Variants in PCDH15 observed in about 807,000 individuals in gnomAD.
The protein encoded by PCDH15 is protocadherin-15.
In PCDH15, 129 loss-of-function variants were observed where a neutral mutation model predicts 178.5. That is an observed-to-expected ratio of 0.72 (90% CI 0.63 to 0.84). The LOEUF (loss-of-function observed/expected upper bound fraction) is 0.84. Ranked by LOEUF, PCDH15 falls within the 40% of genes least tolerant of loss-of-function variation. The probability of loss-of-function intolerance (pLI) is 0.00; values close to 1 mark genes in which losing one functional copy is unlikely to be tolerated. For missense variants in PCDH15, 2,230 were observed against 2,099.9 expected, an observed-to-expected ratio of 1.06 and a Z score of -1.21; for synonymous variants, 800 against 732.0, an observed-to-expected ratio of 1.09 and a Z score of -1.50.
chr10:54,323,694 A>G (rs1467938566), intron 7 of PCDH15, among the ~76,000 whole-genome samples: 1 of 152,124 alleles, frequency 6.6e-6, no homozygotes, highest in Non-Finnish European at 1.5e-5. Flanking sequence ...ACCTGGGAAC[A>G]GTAGACTGTG....
At chr10:54,367,460 A>C (rs1946972828) in intron 5 of PCDH15, among the ~76,000 whole-genome samples, 1 of 152,130 alleles carries the variant, frequency 6.6e-6, no homozygotes, top group Non-Finnish European at 1.5e-5. Context: ...GAACATTATA[A>C]ATTTCTGAAA....
intron 3 of PCDH15, among the ~76,000 whole-genome samples, chr10:54,830,233 G>A (rs2133750339): frequency 6.6e-6 from 1 of 152,092 alleles, no homozygotes; most frequent in South Asian, 2.1e-4. Flanking sequence ...CCCATTACTG[G>A]GTATATACCT....
At chr10:55,244,569 T>A (rs910058944) in intron 1 of PCDH15, among the ~76,000 whole-genome samples, 5 of 151,408 alleles carry the variant, frequency 3.3e-5, no homozygotes, top group African/African-American at 1.2e-4. Flanking sequence ...ACAACTGAAC[T>A]TATACACACA....
intron 2 of PCDH15, among the ~76,000 whole-genome samples, chr10:55,058,869 A>G (rs937231704): frequency 6.6e-6 from 1 of 152,172 alleles, no homozygotes; most frequent in African/African-American, 2.4e-5. Context: ...ACTTAACACT[A>G]GTTAGATACA....
At chr10:53,982,789 G>T (rs1429064110) in intron 21 of PCDH15, among the ~76,000 whole-genome samples, 4 of 151,636 alleles carry the variant, frequency 2.6e-5, no homozygotes, top group African/African-American at 2.4e-5. Context: ...CCTGCACATT[G>T]TGCACATGTA....
intron 2 of PCDH15, among the ~76,000 whole-genome samples, chr10:55,492,012 A>C (rs1328990842): frequency 5.3e-5 from 8 of 151,752 alleles, no homozygotes. Context: ...TGGTCCGTGA[A>C]GTTTTAACCC....
chr10:54,570,217 T>C (rs1253768725), intron 2 of PCDH15, among the ~76,000 whole-genome samples: 1 of 152,106 alleles, frequency 6.6e-6, no homozygotes, highest in East Asian at 1.9e-4. Flanking sequence ...AAGGAAAGTG[T>C]CTGGCTATAT....
intron 1 of PCDH15, among the ~76,000 whole-genome samples, chr10:55,261,748 G>T (rs1041881805): frequency 2.6e-5 from 4 of 151,960 alleles, no homozygotes; most frequent in African/African-American, 9.7e-5. Flanking sequence ...ATCTGAGATG[G>T]GTAATAAGTT....
In PCDH15 at chr10:54,728,878, A is replaced by G. The variant is rs936639454; in HGVS notation, c.-28-64588T>C. On this transcript the variant is annotated intron_variant, in intron 1 of 37. Transcript: ENST00000644397. ...AAAACAGCTAACTAGGGAGGTGAAA[A>G]TATTTACAATTAGAATTATAAAACA... is the stretch of plus-strand genomic sequence containing the variant. Among the ~76,000 whole-genome samples, 12 of 151,500 alleles carry G rather than the reference A, an allele frequency of 7.9e-5. 1 individual carries two copies. The highest frequency in any genetic ancestry group is 5.3e-4 in the Admixed American group (8 of 15,110).
chr10:55,425,513 A>G (rs12253322), intron 2 of PCDH15, among the ~76,000 whole-genome samples: 41,227 of 151,878 alleles, frequency 0.27, 6,770 homozygotes, highest in African/African-American at 0.47. Flanking sequence ...TTGTATTCAT[A>G]CCTTAGAGAA....
At chr10:55,144,435 C>T (rs181482083) in intron 2 of PCDH15, among the ~76,000 whole-genome samples, 1 of 152,184 alleles carries the variant, frequency 6.6e-6, no homozygotes, top group East Asian at 1.9e-4. Flanking sequence ...TGTTAGGAAG[C>T]CTAATTAGGG....
intron 3 of PCDH15, among the ~76,000 whole-genome samples, chr10:54,465,497 T>C (rs1322049753): frequency 6.6e-6 from 1 of 152,052 alleles, no homozygotes. Flanking sequence ...ATGTGATAAT[T>C]GTTTCTGTGC....
chr10:54,765,287 G>A (rs563724736), intron 1 of PCDH15, among the ~76,000 whole-genome samples: 3 of 152,064 alleles, frequency 2.0e-5, no homozygotes, highest in Non-Finnish European at 2.9e-5. Context: ...AAAATAGAAT[G>A]TATCAAAATC....
At chr10:55,514,253 T>C (rs1402625002) in intron 2 of PCDH15, among the ~76,000 whole-genome samples, 1 of 152,172 alleles carries the variant, frequency 6.6e-6, no homozygotes, top group African/African-American at 2.4e-5. Flanking sequence ...AATTACAAGA[T>C]TGAAGCGTGC....
At chr10:54,653,468 G>T (rs2090386774) in intron 2 of PCDH15, among the ~76,000 whole-genome samples, 1 of 152,174 alleles carries the variant, frequency 6.6e-6, no homozygotes, top group African/African-American at 2.4e-5. Flanking sequence ...ACATTCTACT[G>T]CTTCTCAAAG....
chr10:55,395,181 G>GTC (rs1257968782), intron 2 of PCDH15, among the ~76,000 whole-genome samples: 1 of 84,916 alleles, frequency 1.2e-5, no homozygotes, highest in Admixed American at 1.2e-4. Flanking sequence ...GTGTGTGTGT[G>GTC]TGTGTGTGTG....
At chr10:55,434,682 T>C (rs1309698771) in intron 2 of PCDH15, among the ~76,000 whole-genome samples, 1 of 152,004 alleles carries the variant, frequency 6.6e-6, no homozygotes, top group African/African-American at 2.4e-5. Context: ...CTTGGCTCAC[T>C]GCAACCTCTG....
intron 1 of PCDH15, among the ~76,000 whole-genome samples, chr10:55,192,383 C>T (rs1839966813): frequency 6.6e-6 from 1 of 151,792 alleles, no homozygotes; most frequent in Non-Finnish European, 1.5e-5. Context: ...ACAAAATATG[C>T]CCTATACTCC....
intron 32 of PCDH15, among the ~76,000 whole-genome samples, chr10:53,824,877 C>CTAAT (rs1051785610): frequency 6.6e-6 from 1 of 151,788 alleles, no homozygotes; most frequent in African/African-American, 2.4e-5. Context: ...TTTTTAAAAA[C>CTAAT]TAATTTAAAA....
Sources: gnomAD v4.1 joint callset for allele counts (sites outside exome capture counted in the v4.1 genomes callset) on GRCh38, gnomAD v4.1.1 for gene constraint, MANE v1.5 for transcripts, NCBI Gene and HGNC (gene_info 2026-07-23, HGNC 2026-07-21) for gene names.